Variants in PRKCB observed in about 807,000 individuals in gnomAD.
The protein encoded by PRKCB is protein kinase C beta.
PRKCB carries 13 observed loss-of-function variants against 81.5 expected under a neutral mutation model. That is an observed-to-expected ratio of 0.16 (90% CI 0.10 to 0.25). The LOEUF (loss-of-function observed/expected upper bound fraction) is 0.25, where lower values mean the gene tolerates loss of function less well. Ranked by LOEUF, PRKCB falls within the 10% of genes least tolerant of loss-of-function variation. The pLI, the probability that PRKCB is intolerant of heterozygous loss-of-function variation, is 1.00. For missense variants in PRKCB, 509 were observed against 875.7 expected, an observed-to-expected ratio of 0.58 and a Z score of 5.29; for synonymous variants, 335 against 321.4, an observed-to-expected ratio of 1.04 and a Z score of -0.45.
intron 5 of PRKCB, among the ~76,000 whole-genome samples, chr16:24,089,770 GTCTC>G (rs71381637): frequency 2.7e-5 from 4 of 149,344 alleles, no homozygotes; most frequent in East Asian, 3.9e-4. Context: ...GTGAGACCTT[GTCTC>G]TCTCTCTCTC....
At chr16:23,850,048 T>C (rs1962447478) in intron 2 of PRKCB, among the ~76,000 whole-genome samples, 1 of 152,230 alleles carries the variant, frequency 6.6e-6, no homozygotes, top group African/African-American at 2.4e-5. Context: ...AGATTCCACA[T>C]ATACGTGAGA....
Position 24,123,978 on chromosome 16 carries a change from C to A in PRKCB, c.1062C>A (p.Gly354=), listed in dbSNP as rs556610239. 1.2e-6 allele frequency: 2 copies of A among 1,614,038 alleles called. No individual in the cohort carries two copies. Among genetic ancestry groups the A allele is most frequent in the South Asian group, 2.2e-5 (2 of 91,066 alleles). Residue 354 remains glycine, a synonymous_variant, in exon 9 of 17, where the codon GGC becomes GGA. Coordinates refer to ENST00000643927, the MANE Select transcript of PRKCB (RefSeq NM_002738.7). ...FLMVLGKGSF[G]KVMLSERKGT... ...TGGTGCTGGGGAAAGGCAGCTTTGG[C>A]AAGGTATGGTATGATTTGGTGGCTC...
intron 5 of PRKCB, among the ~76,000 whole-genome samples, chr16:24,045,572 A>G (rs1056360931): frequency 3.3e-5 from 5 of 151,482 alleles, no homozygotes; most frequent in Admixed American, 2.0e-4. Context: ...CCTGTTTCCC[A>G]TGGGCTGTGG....
At chr16:23,887,920 C>A (rs1963230014) in intron 2 of PRKCB, among the ~76,000 whole-genome samples, 1 of 152,148 alleles carries the variant, frequency 6.6e-6, no homozygotes, top group Non-Finnish European at 1.5e-5. Context: ...GCTGGGGGTG[C>A]TGGGCCCAAA....
chr16:24,096,663 AAAAATATATATATATATAT>A (rs1382581434), intron 7 of PRKCB, among the ~76,000 whole-genome samples: 11 of 49,660 alleles, frequency 2.2e-4, no homozygotes, highest in South Asian at 1.4e-3. Context: ...AAAAAAAAAA[AAAAATATATATATATATAT>A]ATATATATAT....
At chr16:24,101,804 C>T (rs898819616) in intron 7 of PRKCB, among the ~76,000 whole-genome samples, 4 of 152,216 alleles carry the variant, frequency 2.6e-5, no homozygotes, top group African/African-American at 4.8e-5. Context: ...TGTCTACTCC[C>T]CTAAGGCTGA....
At chr16:23,980,079 T>C (rs1030014122) in intron 2 of PRKCB, among the ~76,000 whole-genome samples, 10 of 152,214 alleles carry the variant, frequency 6.6e-5, no homozygotes, top group African/African-American at 2.4e-4. Context: ...AGCAAGACTT[T>C]GTCTCTATAA....
chr16:24,184,601 C>T (rs1967675283), intron 13 of PRKCB, among the ~76,000 whole-genome samples: 1 of 152,086 alleles, frequency 6.6e-6, no homozygotes, highest in African/African-American at 2.4e-5. Flanking sequence ...TAATTTTTCT[C>T]TTAATAAAGG....
intron 2 of PRKCB, among the ~76,000 whole-genome samples, chr16:23,902,459 A>T (rs11640393): frequency 6.6e-6 from 1 of 152,074 alleles, no homozygotes; most frequent in South Asian, 2.1e-4. Flanking sequence ...CTTATTCTGT[A>T]CCGAGCTCTA....
chr16:24,100,591 T>G (rs930334513), intron 7 of PRKCB, among the ~76,000 whole-genome samples: 2 of 152,034 alleles, frequency 1.3e-5, no homozygotes, highest in Admixed American at 1.3e-4. Flanking sequence ...TGGCCAGCGT[T>G]CCAGCCGAGG....
chr16:24,154,966 T>G (rs1967135482), intron 10 of PRKCB, 109 bp downstream of exon 10: 1 of 1,292,514 alleles, frequency 7.7e-7, no homozygotes, highest in African/African-American at 1.5e-5. Context: ...CTTCCCTTTC[T>G]AGACACAGAA....
chr16:23,959,897 G>C (rs1964401355), intron 2 of PRKCB, among the ~76,000 whole-genome samples: 1 of 152,194 alleles, frequency 6.6e-6, no homozygotes, highest in African/African-American at 2.4e-5. Context: ...CTGATGTGCA[G>C]GAAATGAAGT....
At chr16:23,882,648 G>A (rs1963142028) in intron 2 of PRKCB, among the ~76,000 whole-genome samples, 1 of 152,158 alleles carries the variant, frequency 6.6e-6, no homozygotes, top group Non-Finnish European at 1.5e-5. Context: ...GTATGAATAG[G>A]CAACATTTTG....
chr16:23,956,507 A>T (rs1964351293), intron 2 of PRKCB, among the ~76,000 whole-genome samples: 1 of 152,208 alleles, frequency 6.6e-6, no homozygotes, highest in South Asian at 2.1e-4. Flanking sequence ...TATAATGAAC[A>T]GTGCAACAGT....
At chr16:23,960,330 C>T (rs958511963) in intron 2 of PRKCB, among the ~76,000 whole-genome samples, 1 of 152,166 alleles carries the variant, frequency 6.6e-6, no homozygotes, top group Non-Finnish European at 1.5e-5. Context: ...CTCTCCTCAC[C>T]TCTTCCCTCC....
intron 9 of PRKCB, among the ~76,000 whole-genome samples, chr16:24,153,139 C>G (rs1206734157): frequency 6.6e-6 from 1 of 152,120 alleles, no homozygotes; most frequent in Non-Finnish European, 1.5e-5. Context: ...TGCAGAGCTG[C>G]CTTCCTGCTG....
chr16:24,009,109 C>T (rs1208831484), intron 3 of PRKCB, among the ~76,000 whole-genome samples: 3 of 152,132 alleles, frequency 2.0e-5, no homozygotes, highest in African/African-American at 2.4e-5. Flanking sequence ...CAGTGGACAC[C>T]TAGATTGCTT....
At chr16:24,190,765 C>T (rs1967779811) in intron 15 of PRKCB, among the ~76,000 whole-genome samples, 1 of 152,084 alleles carries the variant, frequency 6.6e-6, no homozygotes, top group African/African-American at 2.4e-5. Context: ...GATTCGCCCG[C>T]CTAGGCCTCC....
At chr16:23,949,249 G>A (rs143989111) in intron 2 of PRKCB, among the ~76,000 whole-genome samples, 1 of 152,234 alleles carries the variant, frequency 6.6e-6, no homozygotes, top group Non-Finnish European at 1.5e-5. Context: ...ATGGACAAAA[G>A]AAAGAACGAA....
Sources: gnomAD v4.1 joint callset for allele counts (sites outside exome capture counted in the v4.1 genomes callset) on GRCh38, gnomAD v4.1.1 for gene constraint, MANE v1.5 for transcripts, NCBI Gene and HGNC (gene_info 2026-07-23, HGNC 2026-07-21) for gene names.